The following GALNT13 variants were observed in gnomAD, a reference collection of about 807,000 sequenced individuals.
GALNT13 encodes the protein UDP-GalNAc:polypeptide N-acetylgalactosaminyltransferase 13.
Under a neutral mutation model 64.2 loss-of-function variants are expected in GALNT13, and 28 were observed. The ratio of observed to expected loss-of-function variants is 0.44; its 90% confidence interval spans 0.32 to 0.60. The LOEUF is 0.60. Among genes scored for constraint, GALNT13 ranks in the 20% least tolerant of loss-of-function variants. The pLI is 0.05. For synonymous variants in GALNT13, 214 were observed against 224.6 expected (o/e 0.95, Z 0.42); for missense variants, 577 against 669.8 (o/e 0.86, Z 1.53).
intron 1 of GALNT13, among the ~76,000 whole-genome samples, chr2:153,887,647 T>C (rs1226088207): frequency 6.6e-6 from 1 of 151,950 alleles, no homozygotes; most frequent in East Asian, 1.9e-4. Context: ...AAAAAGTGCA[T>C]CTAGCTGAGA....
At chr2:154,354,445 G>C (rs1293371260) in intron 9 of GALNT13, among the ~76,000 whole-genome samples, 1 of 48,450 alleles carries the variant, frequency 2.1e-5, no homozygotes, top group African/African-American at 8.7e-5. Context: ...TTTTTTTTTT[G>C]CTGTTGTAGC....
At chr2:153,859,566 G>T in the GALNT13 span, among the ~76,000 whole-genome samples, 1 of 151,866 alleles carries the variant, frequency 6.6e-6, no homozygotes, top group Non-Finnish European at 1.5e-5. Flanking sequence ...TAGTAGAAAA[G>T]ACAAAGAGGA....
chr2:153,207,803 C>A, the GALNT13 span, among the ~76,000 whole-genome samples: 1 of 152,064 alleles, frequency 6.6e-6, no homozygotes, highest in Non-Finnish European at 1.5e-5. Flanking sequence ...TTGCTTTTAT[C>A]TTTTGGTGTC....
At chr2:153,142,340 G>A in the GALNT13 span, among the ~76,000 whole-genome samples, 1 of 152,006 alleles carries the variant, frequency 6.6e-6, no homozygotes, top group Non-Finnish European at 1.5e-5. Context: ...GGGATTGCTG[G>A]AAGTAATTGA....
At chr2:153,899,963 T>A (rs2105289885) in intron 1 of GALNT13, among the ~76,000 whole-genome samples, 1 of 134,074 alleles carries the variant, frequency 7.5e-6, no homozygotes, top group East Asian at 2.1e-4. Flanking sequence ...TGAGATGGAG[T>A]CTCATTCTGT....
chr2:153,699,152 T>C, the GALNT13 span, among the ~76,000 whole-genome samples: 1 of 151,796 alleles, frequency 6.6e-6, no homozygotes, highest in Non-Finnish European at 1.5e-5. Context: ...AACCAGGAGG[T>C]AGAGGTTGCA....
At chr2:154,044,311 C>T (rs1243015363) in intron 3 of GALNT13, among the ~76,000 whole-genome samples, 1 of 152,166 alleles carries the variant, frequency 6.6e-6, no homozygotes, top group East Asian at 1.9e-4. Flanking sequence ...AGATAAAGCT[C>T]AAGAGTAGAA....
intron 5 of GALNT13, 109 bp downstream of exon 5, chr2:154,242,305 A>G (rs936213323): frequency 4.4e-6 from 4 of 907,716 alleles, no homozygotes; most frequent in Non-Finnish European, 6.6e-6. Context: ...GCAATGATCT[A>G]TATTTGCATT....
At chr2:153,249,578 A>C in the GALNT13 span, among the ~76,000 whole-genome samples, 3 of 152,226 alleles carry the variant, frequency 2.0e-5, no homozygotes, top group Non-Finnish European at 2.9e-5. Flanking sequence ...AGACAATGTT[A>C]AGCAAAAAGA....
the GALNT13 span, among the ~76,000 whole-genome samples, chr2:153,310,143 A>G: frequency 6.6e-6 from 1 of 152,190 alleles, no homozygotes; most frequent in South Asian, 2.1e-4. Context: ...AACCTATTCT[A>G]TAATTTACCA....
chr2:154,120,134 G>T (rs1015032368), intron 3 of GALNT13, among the ~76,000 whole-genome samples: 1 of 152,048 alleles, frequency 6.6e-6, no homozygotes, highest in East Asian at 1.9e-4. Context: ...TGTGATTCTG[G>T]AATGGCACTC....
chr2:154,132,781 G>C (rs1166949258), intron 3 of GALNT13, among the ~76,000 whole-genome samples: 2 of 151,908 alleles, frequency 1.3e-5, no homozygotes, highest in African/African-American at 2.4e-5. Context: ...TGTAATCCCA[G>C]CTACTTGGGA....
the GALNT13 span, among the ~76,000 whole-genome samples, chr2:153,500,800 T>C: frequency 5.0e-4 from 76 of 152,268 alleles, no homozygotes; most frequent in Non-Finnish European, 8.1e-4. Context: ...AAAAACCTGA[T>C]TGACAAAGAA....
At chr2:154,022,799 T>C (rs1372127029) in intron 3 of GALNT13, among the ~76,000 whole-genome samples, 1 of 150,838 alleles carries the variant, frequency 6.6e-6, no homozygotes, top group Non-Finnish European at 1.5e-5. Context: ...GGGTGTCAAT[T>C]TGGGATCTTT....
the GALNT13 span, among the ~76,000 whole-genome samples, chr2:153,573,857 ATG>A: frequency 6.6e-6 from 1 of 152,070 alleles, no homozygotes; most frequent in Non-Finnish European, 1.5e-5. Context: ...CTTTCTACTT[ATG>A]ATAAGTGTAG....
At chr2:154,322,406 C>G (rs1444353018) in intron 9 of GALNT13, among the ~76,000 whole-genome samples, 1 of 151,682 alleles carries the variant, frequency 6.6e-6, no homozygotes, top group East Asian at 1.9e-4. Flanking sequence ...TGACTCTGGC[C>G]TTTTAAACTG....
intron 8 of GALNT13, among the ~76,000 whole-genome samples, chr2:154,281,870 G>C (rs764705079): frequency 6.6e-6 from 1 of 151,486 alleles, no homozygotes; most frequent in Non-Finnish European, 1.5e-5. Flanking sequence ...TAGGCCTTTG[G>C]AAAAGCAAAA....
the GALNT13 span, among the ~76,000 whole-genome samples, chr2:153,505,871 C>T: frequency 1.3e-5 from 2 of 152,072 alleles, no homozygotes; most frequent in African/African-American, 2.4e-5. Flanking sequence ...CTGTTAAGTC[C>T]ATTTGTTCTA....
At chr2:154,222,518 G>C (rs1688374517) in intron 4 of GALNT13, among the ~76,000 whole-genome samples, 1 of 151,968 alleles carries the variant, frequency 6.6e-6, no homozygotes, top group Non-Finnish European at 1.5e-5. Context: ...ATTTTGACCT[G>C]GCCTATTCCT....
Sources: gnomAD v4.1 joint callset for allele counts (sites outside exome capture counted in the v4.1 genomes callset) on GRCh38, gnomAD v4.1.1 for gene constraint, MANE v1.5 for transcripts, NCBI Gene and HGNC (gene_info 2026-07-23, HGNC 2026-07-21) for gene names.